Variants in MYO3B observed in about 807,000 individuals in gnomAD.
MYO3B encodes myosin-IIIb.
Under a neutral mutation model 174.6 loss-of-function variants are expected in MYO3B, and 156 were observed. That is an observed-to-expected ratio of 0.89 (90% CI 0.78 to 1.02). The LOEUF is 1.02. Among genes scored for constraint, MYO3B ranks in the 50% least tolerant of loss-of-function variants. The pLI is 0.00. For missense variants in MYO3B, 1,632 were observed against 1,639.4 expected, an observed-to-expected ratio of 1.00 and a Z score of 0.08; for synonymous variants, 563 against 569.1, an observed-to-expected ratio of 0.99 and a Z score of 0.15.
chr2:170,227,629 C>A (rs982798166), intron 6 of MYO3B, among the ~76,000 whole-genome samples: 2 of 152,236 alleles, frequency 1.3e-5, no homozygotes, highest in East Asian at 3.9e-4. Context: ...GAATCACTCT[C>A]TAACAGGAAC....
At chr2:170,499,918 C>CCT in intron 27 of MYO3B, 110 bp downstream of exon 27, 1 of 753,472 alleles carries the variant, frequency 1.3e-6, no homozygotes, top group Non-Finnish European at 2.1e-6. Context: ...TCCCTTCCTT[C>CCT]TCCCCTCCCT....
intron 25 of MYO3B, among the ~76,000 whole-genome samples, chr2:170,488,023 T>C (rs1686180380): frequency 6.6e-6 from 1 of 152,244 alleles, no homozygotes; most frequent in South Asian, 2.1e-4. Flanking sequence ...CCAGCCTCTT[T>C]AATCAAGGAA....
intron 8 of MYO3B, chr2:170,349,616 T>A (rs1351010784): frequency 1.3e-5 from 2 of 151,902 alleles, no homozygotes; most frequent in Non-Finnish European, 2.9e-5. Flanking sequence ...CTGGCCAACA[T>A]GGTGAAACCC....
At chr2:170,265,647 T>C (rs1334150944) in intron 7 of MYO3B, among the ~76,000 whole-genome samples, 3 of 152,230 alleles carry the variant, frequency 2.0e-5, no homozygotes, top group Non-Finnish European at 1.5e-5. Context: ...AAAGGACTGT[T>C]AGTCCCTGGT....
chr2:170,609,099 C>G (rs974037903), intron 32 of MYO3B, among the ~76,000 whole-genome samples: 2 of 152,194 alleles, frequency 1.3e-5, no homozygotes, highest in African/African-American at 4.8e-5. Flanking sequence ...AAGAGTTGCT[C>G]TTTCATGTTT....
At chr2:170,374,749 A>T (rs1201377364) in intron 9 of MYO3B, among the ~76,000 whole-genome samples, 1 of 124,604 alleles carries the variant, frequency 8.0e-6, no homozygotes, top group African/African-American at 3.3e-5. Context: ...ATATATATAT[A>T]TGCATACATA....
At position 170,652,083 on chromosome 2, in the gene MYO3B, TGTGTGTTCTTG is replaced by T; in HGVS notation, c.3841-23_3841-13del. On this transcript the variant is annotated splice_polypyrimidine_tract_variant and intron_variant, in intron 33 of 34. Coordinates refer to ENST00000408978, the MANE Select transcript of MYO3B (RefSeq NM_138995.5). ...TAACGACTTGCTGCTTTGCTTTGACTGTGTGTTCTTGGCCCTCTCCACAGGGAACTCTAGAA... is the reference window on the plus strand; with the variant it reads ...TAACGACTTGCTGCTTTGCTTTGACTGCCCTCTCCACAGGGAACTCTAGAA... 1 of 1,604,138 alleles carries T rather than the reference TGTGTGTTCTTG, an allele frequency of 6.2e-7. No homozygotes were observed. The highest frequency in any genetic ancestry group is 8.5e-7 in the Non-Finnish European group (1 of 1,177,360).
Position 170,335,455 on chromosome 2 carries a change from G to GT in MYO3B, c.815+6dup. 1 of 1,609,464 alleles carries GT rather than the reference G, an allele frequency of 6.2e-7. No individual in the cohort carries two copies. The highest frequency in any genetic ancestry group is 8.5e-7 in the Non-Finnish European group (1 of 1,177,084). On this transcript the variant is annotated splice_donor_region_variant and intron_variant, in intron 8 of 34. Transcript: ENST00000408978. ...ATTCAACCACTTTATTTCACAGTGA[G>GT]TATTTCTTCCACTAAAAATTGCCCA...
intron 32 of MYO3B, among the ~76,000 whole-genome samples, chr2:170,551,607 C>T (rs989618199): frequency 7.2e-6 from 1 of 139,334 alleles, no homozygotes; most frequent in African/African-American, 2.6e-5. Context: ...CAGTTTGAGG[C>T]TTGTGGGCAT....
intron 7 of MYO3B, among the ~76,000 whole-genome samples, chr2:170,274,716 C>T (rs2093451070): frequency 6.6e-6 from 1 of 151,982 alleles, no homozygotes; most frequent in Non-Finnish European, 1.5e-5. Context: ...TATCAAAATG[C>T]ACAGAACTCT....
chr2:170,247,792 T>C lies in MYO3B; in HGVS notation c.749+11656T>C, dbSNP rs558222440. 2.2e-4 allele frequency among the ~76,000 whole-genome samples: 33 copies of C among 152,314 alleles called. No individual in the cohort carries two copies. The South Asian group carries it at 6.8e-3, about 32-fold the overall frequency. On this transcript the variant is annotated intron_variant, in intron 7 of 34. Coordinates refer to ENST00000408978, the MANE Select transcript of MYO3B (RefSeq NM_138995.5). ...AGGTACTAATCCCATTCATGAGAAG[T>C]CTGTCCTCATGACCCAATTTTCTCC...
intron 28 of MYO3B, 65 bp from the exon 29 acceptor site, chr2:170,514,856 A>C: frequency 2.8e-6 from 4 of 1,425,424 alleles, no homozygotes. Flanking sequence ...TGTATCACCC[A>C]GTTTGGTAAT....
intron 7 of MYO3B, among the ~76,000 whole-genome samples, chr2:170,306,894 C>G (rs1008613623): frequency 4.6e-5 from 7 of 152,156 alleles, no homozygotes; most frequent in African/African-American, 1.7e-4. Context: ...TAGTAGAAAA[C>G]TACGTTTTAA....
At position 170,220,405 on chromosome 2, in the gene MYO3B, C is replaced by T. The variant is rs113146219; in HGVS notation, c.603+3010C>T. On this transcript the variant is annotated intron_variant, in intron 6 of 34. Transcript: ENST00000408978. ...CAGCACTTTGGAAGGCGGAGGCAGGCGAATCACAAGGTCAGGAGATCGAGA... is the reference window on the plus strand; with the variant it reads ...CAGCACTTTGGAAGGCGGAGGCAGGTGAATCACAAGGTCAGGAGATCGAGA... 4.4e-3 allele frequency among the ~76,000 whole-genome samples: 666 copies of T among 151,906 alleles called. 6 individuals are homozygous for T. Among genetic ancestry groups the T allele is most frequent in the African/African-American group, 0.014 (594 of 41,430 alleles).
chr2:170,421,146 C>A (rs1370957265), intron 22 of MYO3B, among the ~76,000 whole-genome samples: 1 of 152,128 alleles, frequency 6.6e-6, no homozygotes, highest in Non-Finnish European at 1.5e-5. Flanking sequence ...GTGCTGGGAA[C>A]ACTTTGAAAG....
At chr2:170,377,254 C>A (rs12473652) in intron 9 of MYO3B, among the ~76,000 whole-genome samples, 47,653 of 152,152 alleles carry the variant, frequency 0.31, 8,560 homozygotes, top group African/African-American at 0.5. Flanking sequence ...AAAGCTGCAA[C>A]ACTTTAGGAG....
rs146827575 is a variant in MYO3B, at chr2:170,274,245, G to T, written c.749+38109G>T. Among the ~76,000 whole-genome samples, 192 of 152,174 alleles carry T rather than the reference G, an allele frequency of 1.3e-3. 2 individuals are homozygous for T. The highest frequency in any genetic ancestry group is 4.3e-3 in the African/African-American group (179 of 41,536). On this transcript the variant is annotated intron_variant, in intron 7 of 34. Transcript: ENST00000408978. ...CGTAGGTGAGACAATAATATCCAGG[G>T]ATTAATCCAAATTTCCAGCCTTTTT...
At chr2:170,578,674 C>T (rs962923373) in intron 32 of MYO3B, among the ~76,000 whole-genome samples, 3 of 152,230 alleles carry the variant, frequency 2.0e-5, no homozygotes, top group Admixed American at 6.5e-5. Context: ...ACAGTTTGTA[C>T]TCATTTCTCT....
intron 30 of MYO3B, among the ~76,000 whole-genome samples, chr2:170,529,164 G>T (rs1034404557): frequency 3.9e-5 from 6 of 151,956 alleles, no homozygotes; most frequent in African/African-American, 1.5e-4. Context: ...CTCACACATG[G>T]ACACGAAGAG....
Sources: allele counts gnomAD v4.1 joint callset (sites outside exome capture counted in the v4.1 genomes callset), GRCh38; gene constraint gnomAD v4.1.1; transcripts MANE v1.5; gene names NCBI Gene and HGNC (gene_info 2026-07-23, HGNC 2026-07-21).